The following FBXO39 variants were observed in gnomAD, a reference collection of about 807,000 sequenced individuals.
The protein encoded by FBXO39 is F-box only protein 39.
Under a neutral mutation model 36.6 loss-of-function variants are expected in FBXO39, and 22 were observed. That is an observed-to-expected ratio of 0.60 (90% confidence interval 0.43 to 0.86). FBXO39 has a LOEUF of 0.86. FBXO39 is among the 40% of genes least tolerant of loss of function. FBXO39 has a pLI of 0.00. For synonymous variants in FBXO39, 206 were observed against 205.8 expected (o/e 1.00, Z -0.01); for missense variants, 536 against 543.9 (o/e 0.99, Z 0.14).
chr17:6,786,518 A>G (rs1976572620), intron 2 of FBXO39, among the ~76,000 whole-genome samples: 1 of 152,218 alleles, frequency 6.6e-6, no homozygotes, highest in South Asian at 2.1e-4. Context: ...ATTGTTTGTA[A>G]CACAAAGGAT....
rs933927170 is a variant in FBXO39, at chr17:6,787,418, C to A, written c.1319C>A (p.Ser440Tyr). Residue 440 changes from serine to tyrosine, a missense_variant, in exon 4 of 4, where the codon TCT (serine) becomes TAT (tyrosine). By Grantham distance (144) the Ser-to-Tyr change is moderately radical. Transcript: ENST00000321535. Reference sequence around the variant, plus strand: ...CTTAGCTATTTTGTCATCGTTTACTCTGTGATGTAATGAGCACTCTACAGA... The same window carrying A: ...CTTAGCTATTTTGTCATCGTTTACTATGTGATGTAATGAGCACTCTACAGA... ...SELSYFVIVY[S>Y]VM 1 of 1,613,944 alleles carries A rather than the reference C, an allele frequency of 6.2e-7. No homozygotes were observed. The highest frequency in any genetic ancestry group is 8.5e-7 in the Non-Finnish European group (1 of 1,179,892).
At chr17:6,781,030 A>G in intron 2 of FBXO39, 139 bp downstream of exon 2, 1 of 902,916 alleles carries the variant, frequency 1.1e-6, no homozygotes. Flanking sequence ...ACCACCAACT[A>G]AGCCTCCTGC....
intron 2 of FBXO39, among the ~76,000 whole-genome samples, chr17:6,782,474 A>G (rs887092072): frequency 1.3e-5 from 2 of 152,166 alleles, no homozygotes; most frequent in Non-Finnish European, 2.9e-5. Context: ...ATCAAAAGAC[A>G]TAGGTGGCTG....
Position 6,787,294 on chromosome 17 carries a change from G to C in FBXO39, c.1201-6G>C. ...CATATGTGGATGTATTTCTCTGTTGGCACAGGCGAGAATTTATACAAACAG... is the reference window on the plus strand; with the variant it reads ...CATATGTGGATGTATTTCTCTGTTGCCACAGGCGAGAATTTATACAAACAG... On this transcript the variant is annotated splice_region_variant and splice_polypyrimidine_tract_variant and intron_variant, in intron 3 of 3. Coordinates refer to ENST00000321535, the MANE Select transcript of FBXO39 (RefSeq NM_153230.3). The C allele has an allele frequency of 6.2e-7, 1 of 1,613,048 alleles. No homozygotes were observed. Among genetic ancestry groups the C allele is most frequent in the Non-Finnish European group, 8.5e-7 (1 of 1,179,624 alleles).
intron 2 of FBXO39, among the ~76,000 whole-genome samples, chr17:6,786,368 G>A (rs923445582): frequency 4.6e-5 from 7 of 152,196 alleles, no homozygotes; most frequent in Admixed American, 4.6e-4. Context: ...AGGGGGTGCA[G>A]AGGGAAGTGG....
intron 1 of FBXO39, among the ~76,000 whole-genome samples, chr17:6,777,220 G>A (rs575956521): frequency 1.3e-5 from 2 of 151,880 alleles, no homozygotes; most frequent in Admixed American, 6.6e-5. Flanking sequence ...TTTAAGCCCC[G>A]CATGCATTAG....
Position 6,779,902 on chromosome 17 carries a change from G to C in FBXO39, c.34G>C (p.Asp12His), listed in dbSNP as rs778419218. Residue 12 changes from aspartate (D) to histidine (H), a missense_variant, in exon 2 of 4, where the codon GAC becomes CAC. Transcript: ENST00000321535. ...DEESELIQPQ[D>H]QSCWAFLPDL... ...AGAAAGTGAACTGATCCAGCCCCAA[G>C]ACCAGAGCTGCTGGGCCTTTCTGCC... 1 of 1,614,182 alleles carries C rather than the reference G, an allele frequency of 6.2e-7. No homozygotes were observed. Among genetic ancestry groups the C allele is most frequent in the Non-Finnish European group, 8.5e-7 (1 of 1,180,040 alleles).
At position 6,780,053 on chromosome 17, in the gene FBXO39, C is replaced by A; in HGVS notation, c.185C>A (p.Thr62Asn). The A allele has an allele frequency of 1.2e-6, 2 of 1,614,192 alleles. No homozygotes were observed. The highest frequency in any genetic ancestry group is 1.7e-6 in the Non-Finnish European group (2 of 1,180,042). Residue 62 changes from threonine (T) to asparagine (N), a missense_variant, in exon 2 of 4, where the codon ACC becomes AAC. Physicochemically the swap from Thr to Asn is moderately conservative, Grantham distance 65. Coordinates refer to ENST00000321535, the MANE Select transcript of FBXO39 (RefSeq NM_153230.3). ...SAELWRYRTI[T>N]FSGRPSRVHA... is the part of the protein sequence containing the mutation. ...GAGCTCTGGCGGTACAGAACCATCA[C>A]CTTCAGCGGGAGACCTTCCAGGGTA...
chr17:6,786,965 T>TC lies in FBXO39; in HGVS notation c.1200+13dup, dbSNP rs1349935108. The TC allele has an allele frequency of 6.2e-7, 1 of 1,607,422 alleles. No homozygotes were observed. Among genetic ancestry groups the TC allele is most frequent in the African/African-American group, 1.3e-5 (1 of 74,702 alleles). ...CCCTGCGTGTATTCAAGGTAAGAGG[T>TC]CCCCAGGCTGGTTCCACGGCGTAGA... On this transcript the variant is annotated intron_variant, in intron 3 of 3. Transcript: ENST00000321535.
Position 6,780,044 on chromosome 17 carries a change from G to A in FBXO39, c.176G>A (p.Arg59Lys). 6.2e-7 allele frequency: 1 copy of A among 1,614,212 alleles called. No homozygotes were observed. Among genetic ancestry groups the A allele is most frequent in the African/African-American group, 1.3e-5 (1 of 75,050 alleles). ...TATTCTGCTGAGCTCTGGCGGTACAGAACCATCACCTTCAGCGGGAGACCT... is the reference window on the plus strand; with the variant it reads ...TATTCTGCTGAGCTCTGGCGGTACAAAACCATCACCTTCAGCGGGAGACCT... ...MMYSAELWRY[R>K]TITFSGRPSR... Residue 59 changes from arginine (R) to lysine (K), a missense_variant, in exon 2 of 4, where the codon AGA (arginine) becomes AAA (lysine). Coordinates refer to ENST00000321535, the MANE Select transcript of FBXO39 (RefSeq NM_153230.3).
At chr17:6,787,234 GT>G in intron 3 of FBXO39, 65 bp from the exon 4 acceptor site, 2 of 1,439,894 alleles carry the variant, frequency 1.4e-6, no homozygotes, top group Non-Finnish European at 1.9e-6. Flanking sequence ...GTGTGTGTGT[GT>G]GTATGTGTGT....
At position 6,779,874 on chromosome 17, in the gene FBXO39, C is replaced by T. The variant is rs61753286; in HGVS notation, c.6C>T (p.Asp2=). Residue 2 remains aspartate (D), a synonymous_variant, in exon 2 of 4, where the codon GAC becomes GAT. Transcript: ENST00000321535. The stretch of plus-strand genomic sequence containing the variant: ...CTGTACATCCCAGTTCCTGGATGGA[C>T]GAAGAAAGTGAACTGATCCAGCCCC... M[D]EESELIQPQD... The T allele has an allele frequency of 1.3e-5, 21 of 1,613,760 alleles. No individual in the cohort carries two copies. Among genetic ancestry groups the T allele is most frequent in the African/African-American group, 1.2e-4 (9 of 74,914 alleles).
chr17:6,785,895 CAGTT>C (rs1302057063), intron 2 of FBXO39, among the ~76,000 whole-genome samples: 2 of 152,146 alleles, frequency 1.3e-5, no homozygotes, highest in East Asian at 1.9e-4. Flanking sequence ...TTCTCATACA[CAGTT>C]GGTGGGAATT....
intron 3 of FBXO39, 48 bp from the exon 4 acceptor site, chr17:6,787,252 G>GCGC: frequency 6.3e-7 from 1 of 1,591,058 alleles, no homozygotes; most frequent in Non-Finnish European, 8.6e-7. Flanking sequence ...GTGTGTGTGT[G>GCGC]TGCGTGTGTG....
intron 2 of FBXO39, among the ~76,000 whole-genome samples, chr17:6,784,506 C>T (rs993870956): frequency 1.8e-5 from 2 of 110,980 alleles, no homozygotes; most frequent in Non-Finnish European, 3.7e-5. Context: ...TTTGGAAAAA[C>T]CTAAAGACTC....
rs1235738371 is a variant in FBXO39 at position 6,784,953 on chromosome 17, G to GTA, written c.1024-1815_1024-1814dup. Among the ~76,000 whole-genome samples the GTA allele has an allele frequency of 2.4e-4, 27 of 113,882 alleles. 1 individual carries two copies. The highest frequency in any genetic ancestry group is 2.9e-4 in the African/African-American group (8 of 27,460). The allele number at this position is 113,882 out of a possible 152,430, so 74.7% of individuals were successfully genotyped here. A position where few individuals can be genotyped will look rare whatever the true frequency, so the allele number is the denominator to read the frequency against. ...TATGTGTGTGTGTGTGTGTGTGTGT[G>GTA]TATATATATATATGGAACCACAAAA... On this transcript the variant is annotated intron_variant, in intron 2 of 3. Transcript: ENST00000321535.
In FBXO39 at chr17:6,780,669, C is replaced by T. The variant is rs1221093592; in HGVS notation, c.801C>T (p.Val267=). Residue 267 remains valine, a synonymous_variant, in exon 2 of 4, where the codon GTC becomes GTT. Coordinates refer to ENST00000321535, the MANE Select transcript of FBXO39 (RefSeq NM_153230.3). ...KCHVHDPHGQ[V]IWGMSWAKLA... is the part of the protein sequence containing the mutation. ...ACGTTCATGACCCCCACGGACAGGT[C>T]ATCTGGGGTATGTCCTGGGCCAAGC... The T allele has an allele frequency of 6.2e-7, 1 of 1,614,122 alleles. No homozygotes were observed. The highest frequency in any genetic ancestry group is 1.1e-5 in the South Asian group (1 of 91,066).
Position 6,780,589 on chromosome 17 carries a change from C to G in FBXO39, c.721C>G (p.Leu241Val). 1 of 1,614,080 alleles carries G rather than the reference C, an allele frequency of 6.2e-7. No individual in the cohort carries two copies. The highest frequency in any genetic ancestry group is 8.5e-7 in the Non-Finnish European group (1 of 1,180,032). ...LNYNCISDELLENLCENASTL... is the reference protein window; with the variant it reads ...LNYNCISDELVENLCENASTL... ...CTACAACTGTATCTCCGACGAGCTG[C>G]TTGAGAACTTGTGTGAGAATGCCAG... is the stretch of plus-strand genomic sequence containing the variant. The change falls in exon 2 of 4, where the codon CTT becomes GTT. Residue 241 changes from leucine (L) to valine (V), a missense_variant. By Grantham distance (32) the Leu-to-Val change is conservative. Transcript: ENST00000321535.
At chr17:6,777,817 A>T (rs1976451304) in intron 1 of FBXO39, among the ~76,000 whole-genome samples, 1 of 152,222 alleles carries the variant, frequency 6.6e-6, no homozygotes, top group South Asian at 2.1e-4. Flanking sequence ...AAATACGGAC[A>T]CAGCCATGCT....
Sources: gnomAD v4.1 joint callset for allele counts (sites outside exome capture counted in the v4.1 genomes callset) on GRCh38, gnomAD v4.1.1 for gene constraint, MANE v1.5 for transcripts, NCBI Gene and HGNC (gene_info 2026-07-23, HGNC 2026-07-21) for gene names.